Variants in LGR5 observed in about 807,000 individuals in gnomAD.
LGR5 encodes the protein leucine-rich repeat-containing G protein-coupled receptor 5.
LGR5 carries 54 observed loss-of-function variants against 76.7 expected under a neutral mutation model. That is an observed-to-expected ratio of 0.70 (90% CI 0.57 to 0.88). The LOEUF (loss-of-function observed/expected upper bound fraction) is 0.88, where lower values mean the gene tolerates loss of function less well. LGR5 is among the 40% of genes least tolerant of loss of function. The pLI is 0.00. For missense variants in LGR5, 1,078 were observed against 1,073.3 expected, an observed-to-expected ratio of 1.00 and a Z score of -0.06; for synonymous variants, 406 against 421.9, an observed-to-expected ratio of 0.96 and a Z score of 0.46.
chr12:71,546,903 A>G (rs749823762), intron 4 of LGR5, among the ~76,000 whole-genome samples: 1 of 152,196 alleles, frequency 6.6e-6, no homozygotes, highest in Non-Finnish European at 1.5e-5. Flanking sequence ...ACTCAAAGTT[A>G]TTGAGGCCCC....
chr12:71,566,335 A>C, intron 8 of LGR5, 69 bp from the exon 9 acceptor site: 1 of 994,798 alleles, frequency 1.0e-6, no homozygotes, highest in South Asian at 1.4e-5. Flanking sequence ...TATTTGTTCA[A>C]ATTTTGAACA....
intron 2 of LGR5, among the ~76,000 whole-genome samples, chr12:71,523,523 G>A (rs1276103626): frequency 1.3e-5 from 2 of 152,086 alleles, no homozygotes; most frequent in African/African-American, 4.8e-5. Flanking sequence ...GGTATATTGA[G>A]TCCCAGTTCT....
chr12:71,509,448 A>C (rs1875035812), intron 2 of LGR5, among the ~76,000 whole-genome samples: 1 of 152,196 alleles, frequency 6.6e-6, no homozygotes, highest in Admixed American at 6.5e-5. Context: ...CAACGATTGC[A>C]GATAGTTCTT....
At chr12:71,482,767 A>G (rs1873665313) in intron 1 of LGR5, among the ~76,000 whole-genome samples, 1 of 152,238 alleles carries the variant, frequency 6.6e-6, no homozygotes. Flanking sequence ...AATAGTGTCA[A>G]GACTGGGAAA....
At chr12:71,554,126 T>C (rs1233747215) in intron 5 of LGR5, among the ~76,000 whole-genome samples, 1 of 152,206 alleles carries the variant, frequency 6.6e-6, no homozygotes, top group Non-Finnish European at 1.5e-5. Context: ...GCCAGCTCAA[T>C]GGAAGACTAG....
intron 16 of LGR5, among the ~76,000 whole-genome samples, chr12:71,581,573 T>C (rs1879093037): frequency 6.6e-6 from 1 of 152,276 alleles, no homozygotes; most frequent in African/African-American, 2.4e-5. Flanking sequence ...GGAACTGATA[T>C]CTTGGTCCTT....
intron 10 of LGR5, 46 bp from the exon 11 acceptor site, chr12:71,566,795 T>C (rs1469051157): frequency 1.9e-6 from 3 of 1,585,188 alleles, no homozygotes; most frequent in Admixed American, 3.3e-5. Flanking sequence ...TATGTCACTG[T>C]GTGATGCCTG....
At chr12:71,565,072 G>A (rs1878275251) in intron 8 of LGR5, among the ~76,000 whole-genome samples, 1 of 151,820 alleles carries the variant, frequency 6.6e-6, no homozygotes, top group Admixed American at 6.6e-5. Context: ...TAAGAGGAAA[G>A]CTCCATTTTT....
At chr12:71,491,896 A>C (rs898588872) in intron 1 of LGR5, among the ~76,000 whole-genome samples, 1 of 150,848 alleles carries the variant, frequency 6.6e-6, no homozygotes, top group Non-Finnish European at 1.5e-5. Flanking sequence ...ATAAGTCTTG[A>C]ACAAATCTCC....
intron 1 of LGR5, among the ~76,000 whole-genome samples, chr12:71,484,782 G>A (rs1327595351): frequency 6.6e-6 from 1 of 152,116 alleles, no homozygotes. Flanking sequence ...CTATCATTTT[G>A]TTGTTGACAT....
chr12:71,571,746 A>T (rs1878620075), intron 12 of LGR5, among the ~76,000 whole-genome samples, 167 bp downstream of exon 12: 1 of 152,224 alleles, frequency 6.6e-6, no homozygotes, highest in African/African-American at 2.4e-5. Context: ...AAGTTGAGAA[A>T]CATAGATAAT....
intron 16 of LGR5, among the ~76,000 whole-genome samples, chr12:71,581,976 AGTT>A (rs1425993913): frequency 5.3e-5 from 8 of 152,236 alleles, no homozygotes; most frequent in African/African-American, 1.9e-4. Context: ...AGCACCAAGT[AGTT>A]ATTTGTTTTG....
chr12:71,495,078 C>G (rs4287406), intron 1 of LGR5, among the ~76,000 whole-genome samples: 114,710 of 148,124 alleles, frequency 0.77, 44,341 homozygotes, highest in East Asian at 0.85. Flanking sequence ...GGGGCGTAGT[C>G]GGGGGGGGTC....
chr12:71,553,138 G>C lies in LGR5; in HGVS notation c.494G>C (p.Arg165Thr). ...PSCFSGLHSL[R>T]HLWLDDNALT... ...TGTTTCAGTGGCCTGCATTCCCTGA[G>C]GCACCTGTGGCTGGATGACAATGCG... is the stretch of plus-strand genomic sequence containing the variant. Residue 165 changes from arginine (R) to threonine (T), a missense_variant, in exon 5 of 18, where the codon AGG becomes ACG. Arg to Thr is a moderately conservative substitution (Grantham distance 71). Coordinates refer to ENST00000266674, the MANE Select transcript of LGR5 (RefSeq NM_003667.4). 1.2e-6 allele frequency: 2 copies of C among 1,613,984 alleles called. No individual in the cohort carries two copies. The highest frequency in any genetic ancestry group is 1.7e-6 in the Non-Finnish European group (2 of 1,180,004).
chr12:71,509,491 T>G, intron 2 of LGR5, among the ~76,000 whole-genome samples: 1 of 152,188 alleles, frequency 6.6e-6, no homozygotes, highest in East Asian at 1.9e-4. Context: ...ATCATTGCAT[T>G]TCCCTCCAGC....
chr12:71,480,614 G>A (rs1193771276), intron 1 of LGR5, among the ~76,000 whole-genome samples: 2 of 152,042 alleles, frequency 1.3e-5, no homozygotes, highest in African/African-American at 2.4e-5. Flanking sequence ...ATCCGAAGGG[G>A]GAAACCTTAG....
At chr12:71,553,909 G>T (rs1877628507) in intron 5 of LGR5, among the ~76,000 whole-genome samples, 3 of 152,120 alleles carry the variant, frequency 2.0e-5, no homozygotes, top group Admixed American at 1.3e-4. Context: ...TGGTCAACAT[G>T]GTGAAACCCC....
chr12:71,534,538 T>C (rs1876486029), intron 3 of LGR5, among the ~76,000 whole-genome samples: 1 of 152,234 alleles, frequency 6.6e-6, no homozygotes, highest in South Asian at 2.1e-4. Context: ...TTTTCCTACA[T>C]ATGCCCTTCA....
chr12:71,459,550 T>C (rs546191019), intron 1 of LGR5, among the ~76,000 whole-genome samples: 1 of 152,220 alleles, frequency 6.6e-6, no homozygotes, highest in East Asian at 1.9e-4. Flanking sequence ...CCTAAGTTTA[T>C]TAATTCAACT....
Sources: allele counts gnomAD v4.1 joint callset (sites outside exome capture counted in the v4.1 genomes callset), GRCh38; gene constraint gnomAD v4.1.1; transcripts MANE v1.5; gene names NCBI Gene and HGNC (gene_info 2026-07-23, HGNC 2026-07-21).